Variants in MMP15 observed in about 807,000 individuals in gnomAD.
The protein encoded by MMP15 is matrix metalloproteinase-15.
In MMP15, 36 loss-of-function variants were observed where a neutral mutation model predicts 65.0. The ratio of observed to expected loss-of-function variants is 0.55; its 90% CI spans 0.42 to 0.73. The LOEUF (loss-of-function observed/expected upper bound fraction) is 0.73, where lower values mean the gene tolerates loss of function less well. MMP15 is among the 30% of genes least tolerant of loss of function. The pLI, the probability that MMP15 is intolerant of heterozygous loss-of-function variation, is 0.00. For missense variants in MMP15, 870 were observed against 987.8 expected, an observed-to-expected ratio of 0.88 and a Z score of 1.60; for synonymous variants, 428 against 410.2, an observed-to-expected ratio of 1.04 and a Z score of -0.52.
At chr16:58,042,678 C>T (rs562746489) in intron 7 of MMP15, among the ~76,000 whole-genome samples, 48 of 152,318 alleles carry the variant, frequency 3.2e-4, no homozygotes, top group Admixed American at 7.2e-4. Flanking sequence ...AACAGGTGCC[C>T]CCAGCCCACT....
At chr16:58,026,628 C>T in intron 1 of MMP15, 116 bp downstream of exon 1, 1 of 1,153,006 alleles carries the variant, frequency 8.7e-7, no homozygotes, top group East Asian at 3.2e-5. Context: ...CTGTTCTGGG[C>T]CGTGGCGGGG....
intron 2 of MMP15, 58 bp from the exon 3 acceptor site, chr16:58,038,208 A>C: frequency 6.3e-7 from 1 of 1,593,758 alleles, no homozygotes; most frequent in Non-Finnish European, 8.6e-7. Context: ...GCAGTGCCAG[A>C]ACAGGCAGGT....
intron 2 of MMP15, among the ~76,000 whole-genome samples, chr16:58,038,005 C>T (rs1959370680): frequency 6.6e-6 from 1 of 152,212 alleles, no homozygotes; most frequent in African/African-American, 2.4e-5. Context: ...GTATCCAGGA[C>T]AGAAGGCCTT....
chr16:58,044,962 G>A, intron 9 of MMP15, 45 bp from the exon 10 acceptor site: 1 of 1,605,252 alleles, frequency 6.2e-7, no homozygotes, highest in Non-Finnish European at 8.5e-7. Context: ...TCTCACTGGT[G>A]GTTCGGCTCA....
At position 58,026,438 on chromosome 16, in the gene MMP15, C is replaced by T; in HGVS notation, c.88C>T (p.Leu30=). The change falls in exon 1 of 10, where the codon CTG becomes TTG. Residue 30 remains leucine, a synonymous_variant. Transcript: ENST00000219271. ...DREEAARPRL[L]PLLLVLLGCL... The stretch of plus-strand genomic sequence containing the variant: ...GGAGGAGGCGGCGCGGCCGCGACTG[C>T]TGCCGCTGCTCCTGGTGCTTCTGGG... The T allele has an allele frequency of 2.8e-6, 4 of 1,452,256 alleles. No individual in the cohort carries two copies. Among genetic ancestry groups the T allele is most frequent in the Non-Finnish European group, 3.6e-6 (4 of 1,105,278 alleles). The allele number at this position is 1,452,256 out of a possible 1,614,324, so 90.0% of individuals were successfully genotyped here.
rs749779284 is a variant in MMP15 at position 58,031,853 on chromosome 16, CTTTTTTTTTT to C, written c.162+5363_162+5372del. Among the ~76,000 whole-genome samples, 288 of 57,738 alleles carry C rather than the reference CTTTTTTTTTT, an allele frequency of 5.0e-3. 1 individual carries two copies. Among genetic ancestry groups the C allele is most frequent in the Middle Eastern group, 0.023 (1 of 44 alleles). 37.9% of individuals were successfully genotyped at this position (57,738 alleles called of 152,430 possible). A position where few individuals can be genotyped will look rare whatever the true frequency, so the allele number is the denominator to read the frequency against. On this transcript the variant is annotated intron_variant, in intron 1 of 9. Coordinates refer to ENST00000219271, the MANE Select transcript of MMP15 (RefSeq NM_002428.4). The stretch of plus-strand genomic sequence containing the variant: ...CAAGGAGGACCTGGCTCGATGCCGC[CTTTTTTTTTT>C]TTTTTTTTTTTTTTTTTTTTTGAGA...
intron 3 of MMP15, among the ~76,000 whole-genome samples, chr16:58,039,065 C>T (rs1959394493): frequency 6.6e-6 from 1 of 152,230 alleles, no homozygotes; most frequent in African/African-American, 2.4e-5. Context: ...CTGGCTACAA[C>T]TTACTTCCTC....
At chr16:58,041,197 ACT>A (rs1315556753) in intron 5 of MMP15, among the ~76,000 whole-genome samples, 1 of 151,632 alleles carries the variant, frequency 6.6e-6, no homozygotes, top group Admixed American at 6.6e-5. Flanking sequence ...CAAGTCCTGC[ACT>A]CTGTGCCCAC....
intron 3 of MMP15, among the ~76,000 whole-genome samples, chr16:58,039,195 G>A (rs757025854): frequency 2.0e-5 from 3 of 152,222 alleles, no homozygotes; most frequent in Non-Finnish European, 2.9e-5. Context: ...CACTTTGGGA[G>A]GCCAAAGTGG....
rs1367270172 is a variant in MMP15 at position 58,045,310 on chromosome 16, A to C, written c.1874A>C (p.Asn625Thr). 1.1e-5 allele frequency: 17 copies of C among 1,610,284 alleles called. No homozygotes were observed. The highest frequency in any genetic ancestry group is 1.4e-5 in the Non-Finnish European group (16 of 1,179,332). The stretch of plus-strand genomic sequence containing the variant: ...ATGGAGGAGGTGGCACGGACGGTGA[A>C]CGTGGTGATGGTGCTGGTGCCACTG... Reference protein sequence around the residue: ...VQMEEVARTVNVVMVLVPLLL... With the variant: ...VQMEEVARTVTVVMVLVPLLL... Residue 625 changes from asparagine (N) to threonine (T), a missense_variant, in exon 10 of 10, where the codon AAC becomes ACC. Coordinates refer to ENST00000219271, the MANE Select transcript of MMP15 (RefSeq NM_002428.4).
chr16:58,043,888 C>T (rs975054628), intron 9 of MMP15, among the ~76,000 whole-genome samples: 4 of 152,216 alleles, frequency 2.6e-5, no homozygotes, highest in Non-Finnish European at 2.9e-5. Flanking sequence ...CAGGAAGGTG[C>T]GGCGTCAGGA....
intron 1 of MMP15, among the ~76,000 whole-genome samples, chr16:58,035,738 C>T (rs565906157): frequency 1.1e-4 from 17 of 152,196 alleles, no homozygotes; most frequent in African/African-American, 2.4e-5. Context: ...TCTGCATTTC[C>T]ACCTCATTGC....
Position 58,041,813 on chromosome 16 carries a change from C to T in MMP15, c.1107C>T (p.Ile369=), listed in dbSNP as rs745619696. The change falls in exon 6 of 10, where the codon ATC becomes ATT. Residue 369 remains isoleucine (I), a synonymous_variant. Coordinates refer to ENST00000219271, the MANE Select transcript of MMP15 (RefSeq NM_002428.4). ...GGCCCGACCAGTATGGCCCCAACAT[C>T]TGCGACGGGGACTTTGACACAGTGG... ...TERPDQYGPN[I]CDGDFDTVAM... 1.4e-5 allele frequency: 23 copies of T among 1,612,008 alleles called. No homozygotes were observed. Among genetic ancestry groups the T allele is most frequent in the Non-Finnish European group, 1.8e-5 (21 of 1,179,174 alleles).
At chr16:58,028,331 A>G (rs1963853252) in intron 1 of MMP15, among the ~76,000 whole-genome samples, 1 of 152,144 alleles carries the variant, frequency 6.6e-6, no homozygotes, top group Non-Finnish European at 1.5e-5. Context: ...CTGGGGAAAC[A>G]CTTGGGTTGG....
At chr16:58,039,300 T>C (rs1959399108) in intron 3 of MMP15, among the ~76,000 whole-genome samples, 1 of 152,162 alleles carries the variant, frequency 6.6e-6, no homozygotes, top group African/African-American at 2.4e-5. Context: ...GGTGTGGTGG[T>C]GCATGCCTGT....
intron 1 of MMP15, among the ~76,000 whole-genome samples, chr16:58,032,219 C>T (rs1024355559): frequency 3.3e-5 from 5 of 152,218 alleles, no homozygotes; most frequent in African/African-American, 7.2e-5. Flanking sequence ...GCGCTCTCAA[C>T]GCTGCTTGGT....
Position 58,043,520 on chromosome 16 carries a change from G to A in MMP15, c.1463G>A (p.Arg488His), listed in dbSNP as rs1959496802. Reference protein sequence around the residue: ...TFFFQEDRYWRFNEETQRGDP... With the variant: ...TFFFQEDRYWHFNEETQRGDP... ...GGTGCTTTTGTTCACAGGTACTGGC[G>A]CTTCAACGAGGAGACACAGCGTGGA... Residue 488 changes from arginine to histidine, a missense_variant, in exon 9 of 10, where the codon CGC becomes CAC. Transcript: ENST00000219271. 5 of 1,613,840 alleles carry A rather than the reference G, an allele frequency of 3.1e-6. No homozygotes were observed. The highest frequency in any genetic ancestry group is 4.2e-6 in the Non-Finnish European group (5 of 1,179,924).
chr16:58,029,242 G>T (rs1963864820), intron 1 of MMP15, among the ~76,000 whole-genome samples: 1 of 152,240 alleles, frequency 6.6e-6, no homozygotes, highest in South Asian at 2.1e-4. Flanking sequence ...TTGACCTTCA[G>T]GTGAGCCACA....
At chr16:58,044,799 A>G (rs1418810490) in intron 9 of MMP15, among the ~76,000 whole-genome samples, 1 of 152,206 alleles carries the variant, frequency 6.6e-6, no homozygotes, top group Non-Finnish European at 1.5e-5. Context: ...CTGGTCAGGA[A>G]GCCCAGGGTT....
Sources: gnomAD v4.1 joint callset for allele counts (sites outside exome capture counted in the v4.1 genomes callset) on GRCh38, gnomAD v4.1.1 for gene constraint, MANE v1.5 for transcripts, NCBI Gene and HGNC (gene_info 2026-07-23, HGNC 2026-07-21) for gene names.